Variants in SYT9 observed in about 807,000 individuals in gnomAD.
The protein encoded by SYT9 is synaptotagmin-9.
Under a neutral mutation model 48.4 loss-of-function variants are expected in SYT9, and 22 were observed. The observed-to-expected ratio is 0.45, with a 90% confidence interval of 0.32 to 0.65. SYT9 has a LOEUF of 0.65. SYT9 is among the 30% of genes least tolerant of loss of function. SYT9 has a pLI of 0.03. For synonymous variants in SYT9, 265 were observed against 245.0 expected (o/e 1.08, Z -0.76); for missense variants, 577 against 622.0 (o/e 0.93, Z 0.77).
intron 3 of SYT9, among the ~76,000 whole-genome samples, chr11:7,368,222 A>C (rs767614053): frequency 3.9e-5 from 6 of 152,214 alleles, no homozygotes; most frequent in Non-Finnish European, 7.3e-5. Flanking sequence ...AACATTTCCT[A>C]AACTACCAAT....
At chr11:7,456,650 CTTCA>C (rs2134154419) in intron 6 of SYT9, among the ~76,000 whole-genome samples, 1 of 152,242 alleles carries the variant, frequency 6.6e-6, no homozygotes, top group African/African-American at 2.4e-5. Context: ...ATATATGACT[CTTCA>C]TTCATTATCT....
chr11:7,366,318 T>G (rs1397044618), intron 3 of SYT9, among the ~76,000 whole-genome samples: 1 of 152,230 alleles, frequency 6.6e-6, no homozygotes, highest in Non-Finnish European at 1.5e-5. Context: ...AACAATCTGC[T>G]AATATGTTGG....
chr11:7,371,109 C>T (rs978757741), intron 3 of SYT9, among the ~76,000 whole-genome samples: 10 of 152,038 alleles, frequency 6.6e-5, no homozygotes, highest in Non-Finnish European at 1.2e-4. Flanking sequence ...TCATTAAAGC[C>T]GCTTAATAAT....
intron 3 of SYT9, among the ~76,000 whole-genome samples, chr11:7,320,524 A>G (rs1849318879): frequency 6.6e-6 from 1 of 152,228 alleles, no homozygotes; most frequent in Non-Finnish European, 1.5e-5. Context: ...CTCAACCTCT[A>G]GAATGGTGTC....
chr11:7,317,273 G>T (rs1039420296), intron 3 of SYT9, among the ~76,000 whole-genome samples: 1 of 152,156 alleles, frequency 6.6e-6, no homozygotes, highest in African/African-American at 2.4e-5. Context: ...GAATGGAAAT[G>T]TTTACATAGT....
intron 1 of SYT9, among the ~76,000 whole-genome samples, chr11:7,262,855 T>C (rs1225936867): frequency 6.6e-6 from 1 of 152,154 alleles, no homozygotes; most frequent in African/African-American, 2.4e-5. Flanking sequence ...TTTTAAGTTT[T>C]TCTGCTGACA....
At chr11:7,270,320 C>T (rs947281132) in intron 1 of SYT9, among the ~76,000 whole-genome samples, 1 of 152,128 alleles carries the variant, frequency 6.6e-6, no homozygotes, top group Non-Finnish European at 1.5e-5. Flanking sequence ...AGCTCATAAA[C>T]GCTGTTATAG....
intron 1 of SYT9, among the ~76,000 whole-genome samples, chr11:7,244,508 G>A (rs1031186641): frequency 3.9e-5 from 6 of 152,182 alleles, no homozygotes; most frequent in Non-Finnish European, 8.8e-5. Flanking sequence ...CTAAGTCAGT[G>A]CTAGTCTCTT....
At chr11:7,274,185 C>T (rs765954394) in intron 1 of SYT9, among the ~76,000 whole-genome samples, 1 of 152,152 alleles carries the variant, frequency 6.6e-6, no homozygotes, top group Non-Finnish European at 1.5e-5. Context: ...TTAGTCAGAG[C>T]CTGACTTTTC....
chr11:7,383,710 G>C (rs1850607221), intron 3 of SYT9, among the ~76,000 whole-genome samples: 1 of 152,164 alleles, frequency 6.6e-6, no homozygotes, highest in Non-Finnish European at 1.5e-5. Context: ...GTAGATATTA[G>C]TTTCCTTTTC....
At position 7,377,428 on chromosome 11, in the gene SYT9, C is replaced by G. The variant is rs1035835449; in HGVS notation, c.1045-38614C>G. On this transcript the variant is annotated intron_variant, in intron 3 of 6. Coordinates refer to ENST00000318881, the MANE Select transcript of SYT9 (RefSeq NM_175733.4). ...TTCCCTCAAGAGTTTTAGGAAATTG[C>G]ACTGGACCCAGAGGGAAGTGTTCTT... 5.9e-5 allele frequency among the ~76,000 whole-genome samples: 9 copies of G among 152,176 alleles called. No homozygotes were observed. In the East Asian group the frequency reaches 1.7e-3, roughly 29 times the overall value.
Position 7,363,668 on chromosome 11 carries a change from C to T in SYT9, c.1044+49727C>T, listed in dbSNP as rs72856423. ...AAAGGTCCAATGAAGTAGAAGCTTC[C>T]GCAAAGGAAATTGAAAAGATAAAGT... On this transcript the variant is annotated intron_variant, in intron 3 of 6. Transcript: ENST00000318881. Among the ~76,000 whole-genome samples, 340 of 152,000 alleles carry T rather than the reference C, an allele frequency of 2.2e-3. 1 individual carries two copies. Among genetic ancestry groups the T allele is most frequent in the Non-Finnish European group, 3.9e-3 (268 of 67,994 alleles).
chr11:7,345,733 A>G (rs1849788299), intron 3 of SYT9, among the ~76,000 whole-genome samples: 1 of 152,252 alleles, frequency 6.6e-6, no homozygotes, highest in African/African-American at 2.4e-5. Flanking sequence ...TGAGTTGGAA[A>G]TATGAATTAA....
intron 6 of SYT9, chr11:7,435,373 A>G (rs1206863858): frequency 6.6e-6 from 1 of 152,196 alleles, no homozygotes; most frequent in Non-Finnish European, 1.5e-5. Flanking sequence ...CTCAGCCCAG[A>G]TGTTCCTCTT....
intron 1 of SYT9, among the ~76,000 whole-genome samples, chr11:7,278,212 T>C (rs952226287): frequency 2.6e-5 from 4 of 152,174 alleles, no homozygotes; most frequent in African/African-American, 9.7e-5. Flanking sequence ...TCTCTTCTTC[T>C]TATAAAGCAA....
chr11:7,256,406 A>G (rs1847971540), intron 1 of SYT9, among the ~76,000 whole-genome samples: 1 of 152,230 alleles, frequency 6.6e-6, no homozygotes, highest in African/African-American at 2.4e-5. Context: ...AGTTGTAGGC[A>G]CATTAAAGTT....
intron 3 of SYT9, among the ~76,000 whole-genome samples, chr11:7,407,260 A>T (rs1185382407): frequency 2.0e-5 from 3 of 151,828 alleles, no homozygotes; most frequent in Non-Finnish European, 4.4e-5. Context: ...CTCTTCAGGC[A>T]GGCCTTAGCC....
chr11:7,348,560 CTT>C (rs755248015), intron 3 of SYT9, among the ~76,000 whole-genome samples: 7 of 152,066 alleles, frequency 4.6e-5, no homozygotes, highest in Non-Finnish European at 8.8e-5. Context: ...GAACTCCTCT[CTT>C]GTTAGCATTT....
rs1212212201 is a variant in SYT9 at position 7,407,664 on chromosome 11, G to A, written c.1045-8378G>A. Among the ~76,000 whole-genome samples, 2 of 151,202 alleles carry A rather than the reference G, an allele frequency of 1.3e-5. 1 individual carries two copies. Among genetic ancestry groups the A allele is most frequent in the Non-Finnish European group, 2.9e-5 (2 of 67,888 alleles). On this transcript the variant is annotated intron_variant, in intron 3 of 6. Transcript: ENST00000318881. ...CAAAGTGCTGGGATTACAGGCGTGA[G>A]CCACCGCGCCCGGCCTTAAGTCTAT...
Sources: allele counts gnomAD v4.1 joint callset (sites outside exome capture counted in the v4.1 genomes callset), GRCh38; gene constraint gnomAD v4.1.1; transcripts MANE v1.5; gene names NCBI Gene and HGNC (gene_info 2026-07-23, HGNC 2026-07-21).